Variants in PRICKLE2 observed in about 807,000 individuals in gnomAD.
PRICKLE2 encodes the protein prickle planar cell polarity protein 2, also known as prickle-like protein 2.
Under a neutral mutation model 81.4 loss-of-function variants are expected in PRICKLE2, and 21 were observed. That is an observed-to-expected ratio of 0.26 (90% CI 0.18 to 0.37). The LOEUF is 0.37. Among genes scored for constraint, PRICKLE2 ranks in the 10% least tolerant of loss-of-function variants. The pLI is 1.00. For missense variants in PRICKLE2, 940 were observed against 1,109.0 expected (o/e 0.85, Z 2.16); for synonymous variants, 456 against 421.5 (o/e 1.08, Z -1.00).
intron 2 of PRICKLE2, among the ~76,000 whole-genome samples, chr3:64,230,780 A>C (rs2079090561): frequency 1.3e-5 from 2 of 152,314 alleles, no homozygotes; most frequent in South Asian, 4.1e-4. Context: ...TCTTTATCAA[A>C]GGCTTCGGTA....
At chr3:64,190,336 T>C (rs2078309574) in intron 2 of PRICKLE2, 2 of 152,146 alleles carry the variant, frequency 1.3e-5, no homozygotes, top group Admixed American at 1.3e-4. Context: ...CCCAGGAAAA[T>C]ATCTGACACA....
At chr3:64,177,670 A>G (rs2078050349) in intron 2 of PRICKLE2, among the ~76,000 whole-genome samples, 1 of 152,178 alleles carries the variant, frequency 6.6e-6, no homozygotes, top group Non-Finnish European at 1.5e-5. Context: ...ATCATGCAAT[A>G]TTCGTCCTTT....
rs140992612 is a variant in PRICKLE2, at chr3:64,127,521, C to A, written c.1660+19309G>T. Among the ~76,000 whole-genome samples, 885 of 152,284 alleles carry A rather than the reference C, an allele frequency of 5.8e-3. 10 individuals carry two copies. Among genetic ancestry groups the A allele is most frequent in the African/African-American group, 0.021 (855 of 41,542 alleles). On this transcript the variant is annotated intron_variant, in intron 7 of 7. Transcript: ENST00000638394. ...CCCTAAGAGCAGGTATCATCATTCT[C>A]ATTTTTTCAAAAGAGGAATCTGAGA...
At chr3:64,231,959 A>T (rs1450195670) in intron 2 of PRICKLE2, among the ~76,000 whole-genome samples, 1 of 152,202 alleles carries the variant, frequency 6.6e-6, no homozygotes, top group Non-Finnish European at 1.5e-5. Context: ...ACGAAAACAA[A>T]AACAAAAACC....
intron 7 of PRICKLE2, among the ~76,000 whole-genome samples, chr3:64,110,958 T>TCAA (rs1559513768): frequency 3.3e-4 from 11 of 33,818 alleles, no homozygotes; most frequent in Non-Finnish European, 5.7e-4. Context: ...AGACTCCATC[T>TCAA]CAAAAAAAAA....
intron 7 of PRICKLE2, among the ~76,000 whole-genome samples, chr3:64,113,601 T>C (rs1327790929): frequency 2.0e-5 from 3 of 152,262 alleles, no homozygotes; most frequent in African/African-American, 7.2e-5. Context: ...TCTGCACAGA[T>C]AGGTTTTGCT....
intron 2 of PRICKLE2, among the ~76,000 whole-genome samples, chr3:64,178,983 CTTTCTTTCTTT>C (rs2078072486): frequency 3.0e-5 from 4 of 131,372 alleles, no homozygotes; most frequent in Non-Finnish European, 6.5e-5. Flanking sequence ...TTCTTTCTTT[CTTTCTTTCTTT>C]CTTTCTTTCT....
chr3:64,112,244 T>C (rs749708537), intron 7 of PRICKLE2, among the ~76,000 whole-genome samples: 9 of 152,192 alleles, frequency 5.9e-5, no homozygotes, highest in Non-Finnish European at 8.8e-5. Flanking sequence ...ATTAGACATA[T>C]GCATTTCCCA....
At chr3:64,158,398 G>A (rs2077673475) in intron 4 of PRICKLE2, among the ~76,000 whole-genome samples, 1 of 152,230 alleles carries the variant, frequency 6.6e-6, no homozygotes, top group Non-Finnish European at 1.5e-5. Flanking sequence ...CCGTGATAAT[G>A]TTAGCAGAGC....
chr3:64,244,135 C>A (rs1420115053), intron 2 of PRICKLE2, among the ~76,000 whole-genome samples: 1 of 152,200 alleles, frequency 6.6e-6, no homozygotes, highest in African/African-American at 2.4e-5. Context: ...TGGCTCAGAG[C>A]AACCCTTATA....
At chr3:64,156,967 C>T (rs747701310) in intron 5 of PRICKLE2, among the ~76,000 whole-genome samples, 195 bp downstream of exon 5, 9 of 152,190 alleles carry the variant, frequency 5.9e-5, no homozygotes, top group South Asian at 2.1e-4. Context: ...GAGACCTCCA[C>T]GCTCAGTAAA....
chr3:64,135,315 A>T (rs920491952), intron 7 of PRICKLE2, among the ~76,000 whole-genome samples: 1 of 152,202 alleles, frequency 6.6e-6, no homozygotes, highest in African/African-American at 2.4e-5. Flanking sequence ...TGGGAAAAAT[A>T]AGAGAGAAAA....
chr3:64,209,365 C>T (rs777896918), intron 1 of PRICKLE2, among the ~76,000 whole-genome samples: 6 of 151,288 alleles, frequency 4.0e-5, no homozygotes, highest in Non-Finnish European at 8.8e-5. Context: ...CATTTATATC[C>T]GTACATACAT....
intron 2 of PRICKLE2, among the ~76,000 whole-genome samples, chr3:64,254,979 T>C (rs2079503901): frequency 6.6e-6 from 1 of 152,160 alleles, no homozygotes; most frequent in Middle Eastern, 3.2e-3. Flanking sequence ...TTTCAGTACC[T>C]AGCAAGCATT....
chr3:64,181,311 A>G (rs2078129316), intron 2 of PRICKLE2, among the ~76,000 whole-genome samples: 1 of 152,136 alleles, frequency 6.6e-6, no homozygotes, highest in Non-Finnish European at 1.5e-5. Context: ...AGCATCAATG[A>G]GGCTCAGACC....
intron 7 of PRICKLE2, among the ~76,000 whole-genome samples, chr3:64,128,023 G>T (rs1249527702): frequency 6.6e-6 from 1 of 152,072 alleles, no homozygotes; most frequent in African/African-American, 2.4e-5. Flanking sequence ...TATTTTATAT[G>T]ATCAAAAAAA....
At chr3:64,222,316 G>C (rs1276937142) in intron 1 of PRICKLE2, among the ~76,000 whole-genome samples, 1 of 152,222 alleles carries the variant, frequency 6.6e-6, no homozygotes, top group Admixed American at 6.5e-5. Flanking sequence ...CTAAAGATCA[G>C]TAGCAACCAG....
chr3:64,225,817 C>A (rs1416366098), upstream of PRICKLE2, among the ~76,000 whole-genome samples: 8 of 152,044 alleles, frequency 5.3e-5, no homozygotes, highest in Non-Finnish European at 1.0e-4. Flanking sequence ...GCTGCACCAA[C>A]CTAGGAGTGG....
intron 1 of PRICKLE2, among the ~76,000 whole-genome samples, chr3:64,202,482 C>A (rs1196826024): frequency 6.6e-6 from 1 of 152,012 alleles, no homozygotes; most frequent in East Asian, 1.9e-4. Flanking sequence ...TAAGTTTATT[C>A]TTAAGTATTT....
Sources: allele counts gnomAD v4.1 joint callset (sites outside exome capture counted in the v4.1 genomes callset), GRCh38; gene constraint gnomAD v4.1.1; transcripts MANE v1.5; gene names NCBI Gene and HGNC (gene_info 2026-07-23, HGNC 2026-07-21).